RNF38: variants seen among roughly 807,000 people sequenced by gnomAD.
RNF38 encodes the protein ring finger protein 38, also known as E3 ubiquitin-protein ligase RNF38.
Under a neutral mutation model 67.2 loss-of-function variants are expected in RNF38, and 15 were observed. That is an observed-to-expected ratio of 0.22 (90% CI 0.15 to 0.34). RNF38 has a LOEUF of 0.34. Ranked by LOEUF, RNF38 falls within the 10% of genes least tolerant of loss-of-function variation. RNF38 has a pLI of 1.00. For missense variants in RNF38, 524 were observed against 639.9 expected, an observed-to-expected ratio of 0.82 and a Z score of 1.95; for synonymous variants, 220 against 218.8, an observed-to-expected ratio of 1.01 and a Z score of -0.05.
At chr9:36,393,586 C>T (rs532941631) in intron 1 of RNF38, among the ~76,000 whole-genome samples, 1 of 151,252 alleles carries the variant, frequency 6.6e-6, no homozygotes, top group East Asian at 2.0e-4. Context: ...CCTGTACAAC[C>T]CCCTTCCCCA....
chr9:36,429,140 C>T (rs926285549), intron 1 of RNF38, among the ~76,000 whole-genome samples: 23 of 152,166 alleles, frequency 1.5e-4, no homozygotes, highest in African/African-American at 5.3e-4. Flanking sequence ...TACCCGTATG[C>T]TCTAACTTTT....
At chr9:36,470,520 A>C (rs1207727475) in intron 1 of RNF38, among the ~76,000 whole-genome samples, 2 of 152,198 alleles carry the variant, frequency 1.3e-5, no homozygotes, top group Non-Finnish European at 2.9e-5. Flanking sequence ...CAGAAAGCAC[A>C]CAACTACCAT....
intron 4 of RNF38, among the ~76,000 whole-genome samples, chr9:36,366,718 G>T: frequency 6.6e-6 from 1 of 152,188 alleles, no homozygotes; most frequent in Non-Finnish European, 1.5e-5. Flanking sequence ...CAGGTAGCAG[G>T]AAAGTGTTCA....
rs567463539 is a variant in RNF38, at chr9:36,432,629, C to T, written n.242-7946G>A. Among the ~76,000 whole-genome samples, 9 of 152,030 alleles carry T rather than the reference C, an allele frequency of 5.9e-5. No homozygotes were observed. The East Asian group carries it at 7.8e-4, about 13-fold the overall frequency. ...CCAACATGGTGAAACCCCGTCTCTA[C>T]TAAAAATACAAAAATTAGCTGGGCG... On this transcript the variant is annotated intron_variant and non_coding_transcript_variant, in intron 1 of 3. Coordinates refer to the RNF38 transcript ENST00000488058.
At chr9:36,469,119 T>TGGATCTCAA (rs2134405988) in intron 1 of RNF38, among the ~76,000 whole-genome samples, 1 of 152,048 alleles carries the variant, frequency 6.6e-6, no homozygotes, top group Non-Finnish European at 1.5e-5. Flanking sequence ...CTCAAAAAAG[T>TGGATCTCAA]AAAACCTTAC....
intron 1 of RNF38, among the ~76,000 whole-genome samples, chr9:36,482,893 A>C (rs1168217102): frequency 2.0e-5 from 3 of 152,184 alleles, no homozygotes; most frequent in Non-Finnish European, 4.4e-5. Flanking sequence ...GACAGTTCCA[A>C]AGCTGCAGAG....
intron 1 of RNF38, among the ~76,000 whole-genome samples, chr9:36,481,837 C>T (rs1477584337): frequency 6.6e-6 from 1 of 152,006 alleles, no homozygotes; most frequent in Non-Finnish European, 1.5e-5. Context: ...CAGCAGGAAG[C>T]GTAAACAACC....
intron 1 of RNF38, among the ~76,000 whole-genome samples, chr9:36,398,817 T>C (rs1400895623): frequency 6.6e-6 from 1 of 152,158 alleles, no homozygotes; most frequent in Non-Finnish European, 1.5e-5. Flanking sequence ...CTAGAGGTAG[T>C]ACAGAGAAAT....
intron 1 of RNF38, among the ~76,000 whole-genome samples, chr9:36,434,590 T>C (rs1198021602): frequency 1.3e-5 from 2 of 152,146 alleles, no homozygotes; most frequent in African/African-American, 4.8e-5. Context: ...GGTTTTTCCA[T>C]GTTGGTCAGG....
At chr9:36,383,906 C>T (rs1209347142) in intron 2 of RNF38, among the ~76,000 whole-genome samples, 1 of 151,828 alleles carries the variant, frequency 6.6e-6, no homozygotes, top group Admixed American at 6.6e-5. Context: ...TGCAATCACA[C>T]CATGATGAAT....
chr9:36,340,862 T>A (rs1196575625), intron 11 of RNF38, among the ~76,000 whole-genome samples: 1 of 152,166 alleles, frequency 6.6e-6, no homozygotes, highest in Non-Finnish European at 1.5e-5. Context: ...GCCAGACACA[T>A]AAGCATCACC....
chr9:36,462,673 ATTGAT>A (rs1016159640), intron 1 of RNF38, among the ~76,000 whole-genome samples: 10 of 135,506 alleles, frequency 7.4e-5, no homozygotes, highest in Admixed American at 1.5e-4. Flanking sequence ...TGACCAACTG[ATTGAT>A]TTTTTTTTTT....
chr9:36,352,897 T>C (rs773717200), intron 7 of RNF38, 49 bp from the exon 8 acceptor site: 13 of 1,293,396 alleles, frequency 1.0e-5, no homozygotes, highest in African/African-American at 2.9e-5. Context: ...CGTTTACAAA[T>C]AGCCTGTCAA....
intron 1 of RNF38, among the ~76,000 whole-genome samples, chr9:36,451,219 T>C (rs1839430547): frequency 6.6e-6 from 1 of 151,620 alleles, no homozygotes; most frequent in African/African-American, 2.4e-5. Context: ...ATCCCAGCAC[T>C]TTGGGAGGCC....
Position 36,458,637 on chromosome 9 carries a change from G to A in RNF38, n.241+28671C>T, listed in dbSNP as rs186025034. 5.9e-3 allele frequency among the ~76,000 whole-genome samples: 900 copies of A among 152,026 alleles called. 7 individuals carry two copies. The highest frequency in any genetic ancestry group is 9.6e-3 in the Admixed American group (147 of 15,264). On this transcript the variant is annotated intron_variant and non_coding_transcript_variant, in intron 1 of 3. Coordinates refer to the RNF38 transcript ENST00000488058. ...TCACTCCTGAAGTCAGTGAGACCAC[G>A]AACCCACCGGAAGGAAGTTCCGGAC...
chr9:36,357,986 A>G, intron 4 of RNF38, 44 bp from the exon 5 acceptor site: 1 of 1,547,386 alleles, frequency 6.5e-7, no homozygotes, highest in East Asian at 2.3e-5. Context: ...CTGTTTAGAT[A>G]AAATGTTAAC....
intron 1 of RNF38, among the ~76,000 whole-genome samples, chr9:36,393,684 TAATG>T (rs1837310796): frequency 6.6e-6 from 1 of 152,086 alleles, no homozygotes; most frequent in Non-Finnish European, 1.5e-5. Flanking sequence ...CGTTCAGATG[TAATG>T]AAGATTCCAA....
At chr9:36,446,801 C>A (rs1425998651) in intron 1 of RNF38, among the ~76,000 whole-genome samples, 2 of 112,654 alleles carry the variant, frequency 1.8e-5, no homozygotes, top group Non-Finnish European at 3.5e-5. Context: ...GAGTGAGACT[C>A]CGCCTCAAGA....
At chr9:36,475,631 T>A (rs1014856478) in intron 1 of RNF38, among the ~76,000 whole-genome samples, 5 of 151,382 alleles carry the variant, frequency 3.3e-5, no homozygotes, top group Non-Finnish European at 7.4e-5. Context: ...GTGCCGGGAT[T>A]ACAGGCGTGA....
Sources: allele counts gnomAD v4.1 joint callset (sites outside exome capture counted in the v4.1 genomes callset), GRCh38; gene constraint gnomAD v4.1.1; transcripts MANE v1.5; gene names NCBI Gene and HGNC (gene_info 2026-07-23, HGNC 2026-07-21).